EML4: variants seen among roughly 807,000 people sequenced by gnomAD.
The protein encoded by EML4 is echinoderm microtubule-associated protein-like 4.
EML4 carries 72 observed loss-of-function variants against 129.0 expected under a neutral mutation model. The observed-to-expected ratio is 0.56, with a 90% CI of 0.46 to 0.68. EML4 has a LOEUF of 0.68. EML4 is among the 30% of genes least tolerant of loss of function. The pLI is 0.00. For missense variants in EML4, 1,363 were observed against 1,190.6 expected (o/e 1.14, Z -2.13); for synonymous variants, 532 against 405.0 (o/e 1.31, Z -3.77).
At chr2:42,201,898 A>G (rs1330057144) in intron 1 of EML4, among the ~76,000 whole-genome samples, 1 of 152,190 alleles carries the variant, frequency 6.6e-6, no homozygotes, top group Non-Finnish European at 1.5e-5. Context: ...CCTGGCCAAC[A>G]TGGTGAAACC....
chr2:42,287,172 G>A (rs1163331261), intron 10 of EML4, among the ~76,000 whole-genome samples: 2 of 152,248 alleles, frequency 1.3e-5, no homozygotes, highest in East Asian at 1.9e-4. Flanking sequence ...AGTTTTGTGG[G>A]ACATGGAGGA....
At chr2:42,280,828 C>A (rs376450332) in intron 6 of EML4, 22 bp from the exon 7 acceptor site, 5 of 1,588,708 alleles carry the variant, frequency 3.1e-6, no homozygotes, top group East Asian at 2.2e-5. Context: ...TATGACTTAA[C>A]TTTTGTCTTG....
chr2:42,172,509 G>A (rs17670190), intron 1 of EML4, among the ~76,000 whole-genome samples: 16,980 of 152,216 alleles, frequency 0.11, 1,032 homozygotes, highest in Middle Eastern at 0.22. Flanking sequence ...TAAAAAACAA[G>A]TGAAGAATTC....
chr2:42,267,364 G>A (rs74609240), intron 6 of EML4, among the ~76,000 whole-genome samples: 5 of 152,054 alleles, frequency 3.3e-5, no homozygotes, highest in Non-Finnish European at 5.9e-5. Context: ...ATTTTGCATG[G>A]CATATTCACA....
intron 1 of EML4, among the ~76,000 whole-genome samples, chr2:42,186,779 G>A (rs1671273183): frequency 6.6e-6 from 1 of 152,114 alleles, no homozygotes; most frequent in Non-Finnish European, 1.5e-5. Context: ...GTAGTTTTCA[G>A]ACTTCAAAAT....
At chr2:42,296,887 A>G (rs901973269) in intron 13 of EML4, among the ~76,000 whole-genome samples, 22 of 152,232 alleles carry the variant, frequency 1.4e-4, no homozygotes, top group Admixed American at 9.8e-4. Context: ...TAAATCTATC[A>G]TAATGTCAAA....
intron 14 of EML4, among the ~76,000 whole-genome samples, chr2:42,302,735 T>C (rs1668361321): frequency 6.6e-6 from 1 of 152,118 alleles, no homozygotes; most frequent in Admixed American, 6.5e-5. Flanking sequence ...GGTTTCACCA[T>C]GTTGGCCAGG....
chr2:42,178,826 G>A (rs1206237089), intron 1 of EML4, among the ~76,000 whole-genome samples: 1 of 152,170 alleles, frequency 6.6e-6, no homozygotes, highest in Non-Finnish European at 1.5e-5. Context: ...AGGGGGCTGA[G>A]CACTTACACC....
Position 42,295,211 on chromosome 2 carries a change from C to A in EML4, c.1305C>A (p.Phe435Leu). The change falls in exon 12 of 23, where the codon TTC (phenylalanine) becomes TTA (leucine). Residue 435 changes from phenylalanine to leucine, a missense_variant. Coordinates refer to ENST00000318522, the MANE Select transcript of EML4 (RefSeq NM_019063.5). The stretch of plus-strand genomic sequence containing the variant: ...CATGCGGTAAATCTCATATTTTCTT[C>A]TGGACCTGGAGCGGCAATTCACTAA... Reference protein sequence around the residue: ...IITCGKSHIFFWTWSGNSLTR... With the variant: ...IITCGKSHIFLWTWSGNSLTR... 6.2e-7 allele frequency: 1 copy of A among 1,613,470 alleles called. No individual in the cohort carries two copies. The highest frequency in any genetic ancestry group is 8.5e-7 in the Non-Finnish European group (1 of 1,179,882).
At chr2:42,238,336 T>C (rs1249275758) in intron 1 of EML4, among the ~76,000 whole-genome samples, 1 of 152,220 alleles carries the variant, frequency 6.6e-6, no homozygotes, top group Non-Finnish European at 1.5e-5. Flanking sequence ...AGCTTAGTTA[T>C]TCAATGTACC....
intron 1 of EML4, among the ~76,000 whole-genome samples, chr2:42,241,772 A>G (rs565209377): frequency 6.6e-6 from 1 of 152,014 alleles, no homozygotes; most frequent in African/African-American, 2.4e-5. Flanking sequence ...CTTGTCTTTG[A>G]GTCTGAGATA....
intron 3 of EML4, among the ~76,000 whole-genome samples, chr2:42,260,357 G>A (rs924899574): frequency 1.3e-5 from 2 of 152,044 alleles, no homozygotes; most frequent in African/African-American, 4.8e-5. Flanking sequence ...TAGTAGAAAC[G>A]GGGTTTCACC....
chr2:42,291,173 G>A (rs1163436672), intron 11 of EML4, among the ~76,000 whole-genome samples: 1 of 151,972 alleles, frequency 6.6e-6, no homozygotes, highest in East Asian at 1.9e-4. Flanking sequence ...TGGCTTAATT[G>A]GATACTCATA....
intron 11 of EML4, among the ~76,000 whole-genome samples, chr2:42,290,690 C>T (rs1168919356): frequency 1.3e-5 from 2 of 152,088 alleles, no homozygotes; most frequent in African/African-American, 2.4e-5. Context: ...TGAGATTGTG[C>T]CACTGCACTG....
rs1371833832 is a variant in EML4 at position 42,187,065 on chromosome 2, A to ACAGGGT, written c.25+17431_25+17436dup. Reference sequence around the variant, plus strand: ...TTTTTGGAGCGGGGGGGTGGGGGGGACAGGGTCTTGCTCTGTTGCCCAGGC... The same window carrying ACAGGGT: ...TTTTTGGAGCGGGGGGGTGGGGGGGACAGGGTCAGGGTCTTGCTCTGTTGCCCAGGC... On this transcript the variant is annotated intron_variant, in intron 1 of 22. Transcript: ENST00000318522. Among the ~76,000 whole-genome samples, 71 of 78,190 alleles carry ACAGGGT rather than the reference A, an allele frequency of 9.1e-4. 1 individual carries two copies. The highest frequency in any genetic ancestry group is 1.5e-3 in the Non-Finnish European group (61 of 40,348). The allele number at this position is 78,190 out of a possible 152,430, so 51.3% of individuals were successfully genotyped here.
chr2:42,258,069 T>C (rs1308962474), intron 3 of EML4, among the ~76,000 whole-genome samples: 3 of 152,336 alleles, frequency 2.0e-5, no homozygotes, highest in South Asian at 4.1e-4. Flanking sequence ...TATTGCACTG[T>C]TGCTTGTTGC....
At chr2:42,245,821 A>T in intron 2 of EML4, 134 bp downstream of exon 2, 1 of 813,986 alleles carries the variant, frequency 1.2e-6, no homozygotes, top group Non-Finnish European at 1.8e-6. Context: ...TCGTTTTTTT[A>T]ATTCCCAAAA....
chr2:42,288,275 C>T lies in EML4; in HGVS notation c.1171C>T (p.Leu391Phe). 3 of 1,575,488 alleles carry T rather than the reference C, an allele frequency of 1.9e-6. No individual in the cohort carries two copies. Among genetic ancestry groups the T allele is most frequent in the South Asian group, 2.3e-5 (2 of 88,558 alleles). The change falls in exon 11 of 23, where the codon CTT becomes TTT. Residue 391 changes from leucine to phenylalanine, a missense_variant. Coordinates refer to ENST00000318522, the MANE Select transcript of EML4 (RefSeq NM_019063.5). ...CIIDDSNEHM[L>F]TVWDWQKKAK... ...TATTGATGACTCCAATGAGCATATG[C>T]TTACTGTATGGGACTGGCAGAAGAA...
In EML4 at chr2:42,265,559, C is replaced by T. The variant is rs527528681; in HGVS notation, c.667+828C>T. 2.6e-5 allele frequency among the ~76,000 whole-genome samples: 4 copies of T among 152,222 alleles called. No homozygotes were observed. In the South Asian group the frequency reaches 8.3e-4, roughly 32 times the overall value. On this transcript the variant is annotated intron_variant, in intron 6 of 22. Transcript: ENST00000318522. ...TTGGCCCGGCTGCATTTTTAAAAATCCATCTTATTTCTAAGAAATCTGAAG... is the reference window on the plus strand; with the variant it reads ...TTGGCCCGGCTGCATTTTTAAAAATTCATCTTATTTCTAAGAAATCTGAAG...
Sources: gnomAD v4.1 joint callset for allele counts (sites outside exome capture counted in the v4.1 genomes callset) on GRCh38, gnomAD v4.1.1 for gene constraint, MANE v1.5 for transcripts, NCBI Gene and HGNC (gene_info 2026-07-23, HGNC 2026-07-21) for gene names.